NKAIN2: variants seen among roughly 807,000 people sequenced by gnomAD.
NKAIN2 encodes sodium/potassium-transporting ATPase subunit beta-1-interacting protein 2.
In NKAIN2, 14 loss-of-function variants were observed where a neutral mutation model predicts 32.6. The observed-to-expected ratio is 0.43, with a 90% confidence interval of 0.28 to 0.67. The LOEUF (loss-of-function observed/expected upper bound fraction) is 0.67. Ranked by LOEUF, NKAIN2 falls within the 30% of genes least tolerant of loss-of-function variation. NKAIN2 has a pLI of 0.17. For synonymous variants in NKAIN2, 80 were observed against 87.2 expected (o/e 0.92, Z 0.46); for missense variants, 198 against 258.3 (o/e 0.77, Z 1.60).
intron 3 of NKAIN2, among the ~76,000 whole-genome samples, chr6:124,468,305 C>T (rs1348948418): frequency 6.6e-6 from 1 of 152,098 alleles, no homozygotes; most frequent in Non-Finnish European, 1.5e-5. Context: ...ATGTCAATGT[C>T]AACCAAAGAA....
intron 1 of NKAIN2, among the ~76,000 whole-genome samples, chr6:124,185,258 A>G (rs1160723906): frequency 6.6e-6 from 1 of 152,110 alleles, no homozygotes; most frequent in Non-Finnish European, 1.5e-5. Flanking sequence ...TATTCATTTC[A>G]TTATAACTGT....
At chr6:124,733,058 C>A (rs1046656505) in intron 4 of NKAIN2, among the ~76,000 whole-genome samples, 64 of 151,914 alleles carry the variant, frequency 4.2e-4, no homozygotes, top group Non-Finnish European at 4.6e-4. Context: ...AGAAGTCAGT[C>A]AGAAATGTTC....
At chr6:124,068,072 A>G (rs1473161813) in intron 1 of NKAIN2, among the ~76,000 whole-genome samples, 1 of 152,200 alleles carries the variant, frequency 6.6e-6, no homozygotes, top group Non-Finnish European at 1.5e-5. Context: ...AGGTATGTAG[A>G]GTTTTAATAA....
At chr6:124,480,167 G>C (rs966566009) in intron 3 of NKAIN2, among the ~76,000 whole-genome samples, 1 of 152,192 alleles carries the variant, frequency 6.6e-6, no homozygotes, top group Non-Finnish European at 1.5e-5. Context: ...TTGAGTTTAA[G>C]TGAGGTAATA....
intron 1 of NKAIN2, among the ~76,000 whole-genome samples, chr6:123,823,739 A>T (rs1259572007): frequency 6.6e-6 from 1 of 152,146 alleles, no homozygotes. Context: ...TTGGAGAAGG[A>T]TCAGGTAGTG....
intron 3 of NKAIN2, among the ~76,000 whole-genome samples, chr6:124,372,243 C>G (rs1799801688): frequency 1.3e-5 from 2 of 152,032 alleles, no homozygotes; most frequent in South Asian, 4.1e-4. Context: ...AATATTTCAT[C>G]ATATGTTTGG....
At chr6:124,652,262 C>A (rs1784394193) in intron 3 of NKAIN2, among the ~76,000 whole-genome samples, 1 of 152,172 alleles carries the variant, frequency 6.6e-6, no homozygotes, top group South Asian at 2.1e-4. Context: ...CCATCTGAGA[C>A]CTCATCAGAA....
chr6:124,139,290 T>G (rs940033092), intron 1 of NKAIN2, among the ~76,000 whole-genome samples: 1 of 149,496 alleles, frequency 6.7e-6, no homozygotes, highest in African/African-American at 2.5e-5. Context: ...GGGTTTCACC[T>G]TGTTAGCCAG....
At chr6:124,577,804 C>T (rs1781386133) in intron 3 of NKAIN2, among the ~76,000 whole-genome samples, 1 of 152,084 alleles carries the variant, frequency 6.6e-6, no homozygotes, top group Non-Finnish European at 1.5e-5. Flanking sequence ...AGACTCTTTC[C>T]CTCTCCTTGA....
chr6:124,466,653 G>A (rs1776768439), intron 3 of NKAIN2, among the ~76,000 whole-genome samples: 1 of 150,864 alleles, frequency 6.6e-6, no homozygotes, highest in South Asian at 2.1e-4. Context: ...AATAAGACAT[G>A]TAAAAAAAGA....
chr6:124,067,664 T>C (rs1309445607), intron 1 of NKAIN2, among the ~76,000 whole-genome samples: 1 of 152,180 alleles, frequency 6.6e-6, no homozygotes, highest in Non-Finnish European at 1.5e-5. Flanking sequence ...AATTTCTCTG[T>C]GTGGTATAGT....
intron 3 of NKAIN2, among the ~76,000 whole-genome samples, chr6:124,564,014 A>C (rs1333209342): frequency 6.6e-6 from 1 of 152,104 alleles, no homozygotes; most frequent in East Asian, 1.9e-4. Context: ...GGTAATTAGG[A>C]AAGATCACTC....
intron 4 of NKAIN2, among the ~76,000 whole-genome samples, chr6:124,726,527 A>G (rs546247228): frequency 9.3e-5 from 14 of 150,982 alleles, no homozygotes; most frequent in African/African-American, 3.2e-4. Context: ...TAACAAACAG[A>G]AAGGACATCC....
At chr6:124,663,639 T>G (rs1238235344) in intron 4 of NKAIN2, among the ~76,000 whole-genome samples, 1 of 152,154 alleles carries the variant, frequency 6.6e-6, no homozygotes, top group Non-Finnish European at 1.5e-5. Flanking sequence ...TAGGTGACTA[T>G]AGGAGAAAGA....
At chr6:124,233,686 G>A (rs776872500) in intron 1 of NKAIN2, among the ~76,000 whole-genome samples, 24 of 152,036 alleles carry the variant, frequency 1.6e-4, no homozygotes, top group Non-Finnish European at 2.9e-4. Flanking sequence ...TATGCTTTCA[G>A]GACCTTTGTA....
intron 4 of NKAIN2, among the ~76,000 whole-genome samples, chr6:124,740,533 T>G (rs1209232414): frequency 1.3e-5 from 2 of 148,924 alleles, no homozygotes; most frequent in African/African-American, 2.5e-5. Flanking sequence ...AAGAAAAAGG[T>G]TGAAGGGGCA....
At chr6:124,683,942 G>C (rs1294141072) in intron 4 of NKAIN2, among the ~76,000 whole-genome samples, 1 of 152,154 alleles carries the variant, frequency 6.6e-6, no homozygotes, top group African/African-American at 2.4e-5. Context: ...AAGGAGAACA[G>C]GTTCTTTACA....
At chr6:123,845,975 C>T (rs971637538) in intron 1 of NKAIN2, among the ~76,000 whole-genome samples, 16 of 152,038 alleles carry the variant, frequency 1.1e-4, no homozygotes, top group Admixed American at 3.9e-4. Flanking sequence ...AACACTTTAC[C>T]GGGTCTCTCT....
At chr6:124,411,886 T>A (rs888162341) in intron 3 of NKAIN2, among the ~76,000 whole-genome samples, 1 of 152,194 alleles carries the variant, frequency 6.6e-6, no homozygotes, top group African/African-American at 2.4e-5. Flanking sequence ...CATTTCTTTT[T>A]ATTCTTTTTC....
Sources: gnomAD v4.1 joint callset for allele counts (sites outside exome capture counted in the v4.1 genomes callset) on GRCh38, gnomAD v4.1.1 for gene constraint, MANE v1.5 for transcripts, NCBI Gene and HGNC (gene_info 2026-07-23, HGNC 2026-07-21) for gene names.